The following TGIF1 variants were observed in gnomAD, a reference collection of about 807,000 sequenced individuals.
The protein encoded by TGIF1 is homeobox protein TGIF1.
TGIF1 carries 4 observed loss-of-function variants against 19.3 expected under a neutral mutation model. The ratio of observed to expected loss-of-function variants is 0.21; its 90% CI spans 0.10 to 0.47. TGIF1 has a LOEUF of 0.47. Ranked by LOEUF, TGIF1 falls within the 20% of genes least tolerant of loss-of-function variation. The pLI, the probability that TGIF1 is intolerant of heterozygous loss-of-function variation, is 0.98. For missense variants in TGIF1, 275 were observed against 341.4 expected, an observed-to-expected ratio of 0.81 and a Z score of 1.53; for synonymous variants, 122 against 129.3, an observed-to-expected ratio of 0.94 and a Z score of 0.38.
At chr18:3,437,920 C>T (rs537168313) in intron 2 of TGIF1, among the ~76,000 whole-genome samples, 206 of 152,234 alleles carry the variant, frequency 1.4e-3, no homozygotes, top group African/African-American at 4.7e-3. Flanking sequence ...CCCATCTCTA[C>T]TAAAAATACA....
intron 2 of TGIF1, among the ~76,000 whole-genome samples, chr18:3,425,442 G>A (rs2082453889): frequency 6.6e-6 from 1 of 152,208 alleles, no homozygotes; most frequent in African/African-American, 2.4e-5. Flanking sequence ...ATAATTACCA[G>A]CCATTATTCC....
chr18:3,414,803 C>G (rs2082310414), intron 1 of TGIF1, among the ~76,000 whole-genome samples: 1 of 152,128 alleles, frequency 6.6e-6, no homozygotes, highest in Non-Finnish European at 1.5e-5. Flanking sequence ...CCAAGCTACT[C>G]TGAGGCTGAG....
intron 2 of TGIF1, among the ~76,000 whole-genome samples, chr18:3,424,835 T>C (rs1363563635): frequency 6.6e-6 from 1 of 152,228 alleles, no homozygotes; most frequent in African/African-American, 2.4e-5. Flanking sequence ...GTGATATGCC[T>C]GGAGCGGGCA....
rs2082860183 is a variant in TGIF1 at position 3,450,214 on chromosome 18, A to G, written c.-276A>G. The G allele has an allele frequency of 7.9e-6, 11 of 1,399,894 alleles. No homozygotes were observed. Among genetic ancestry groups the G allele is most frequent in the Non-Finnish European group, 1.0e-5 (11 of 1,079,262 alleles). The allele number at this position is 1,399,894 out of a possible 1,614,324, so 86.7% of individuals were successfully genotyped here. ...GTGCGCCGAGCAGGAGCAGGGAACA[A>G]AGGAGCGGAGAGGGGAGGGGAGAGA... On this transcript the variant is annotated 5_prime_UTR_variant, in exon 1 of 3. Coordinates refer to ENST00000343820, the MANE Select transcript of TGIF1 (RefSeq NM_003244.4).
chr18:3,417,867 G>A (rs1046346401), intron 1 of TGIF1, among the ~76,000 whole-genome samples: 21 of 152,258 alleles, frequency 1.4e-4, no homozygotes, highest in Non-Finnish European at 2.5e-4. Flanking sequence ...GGGAGACCAA[G>A]GTAGGAAGAT....
upstream of TGIF1, among the ~76,000 whole-genome samples, chr18:3,445,451 G>A (rs550878744): frequency 2.6e-5 from 4 of 152,008 alleles, no homozygotes; most frequent in Non-Finnish European, 5.9e-5. Context: ...AAGGCCGGGC[G>A]TAGTGGCTCA....
chr18:3,449,898 C>G, upstream of TGIF1: 1 of 985,868 alleles, frequency 1.0e-6, no homozygotes, highest in South Asian at 4.7e-5. Context: ...AGGGAGAAAC[C>G]TGGGGCGCTC....
At chr18:3,427,724 C>T (rs550775365) in intron 2 of TGIF1, among the ~76,000 whole-genome samples, 65 of 152,060 alleles carry the variant, frequency 4.3e-4, no homozygotes, top group Middle Eastern at 6.8e-3. Context: ...CTCAGCCACC[C>T]GAGTAACTGG....
chr18:3,456,078 T>C lies in TGIF1; in HGVS notation c.17-276T>C, dbSNP rs1486990798. ...CCTCCAATGATTAGACGAAAGAGTT[T>C]TCTGACCATCATTCAAAAGGAATGT... On this transcript the variant is annotated intron_variant, in intron 1 of 2. Coordinates refer to ENST00000343820, the MANE Select transcript of TGIF1 (RefSeq NM_003244.4). The surrounding 1 kb of genome is among the most constrained non-coding windows in gnomAD (Gnocchi z 4.2). The C allele has an allele frequency of 2.0e-6, 1 of 492,222 alleles. No individual in the cohort carries two copies. The highest frequency in any genetic ancestry group is 3.7e-6 in the Non-Finnish European group (1 of 269,082). 30.5% of individuals were successfully genotyped at this position (492,222 alleles called of 1,614,324 possible). A position where few individuals can be genotyped will look rare whatever the true frequency, so the allele number is the denominator to read the frequency against.
chr18:3,437,606 T>C (rs1466237954), intron 2 of TGIF1, among the ~76,000 whole-genome samples: 1 of 152,202 alleles, frequency 6.6e-6, no homozygotes, highest in Admixed American at 6.5e-5. Flanking sequence ...AATTTTCGTA[T>C]GAAAAACAGA....
At chr18:3,435,628 A>G (rs2082605152) in intron 2 of TGIF1, among the ~76,000 whole-genome samples, 1 of 152,174 alleles carries the variant, frequency 6.6e-6, no homozygotes, top group Non-Finnish European at 1.5e-5. Context: ...TCAATCTAGT[A>G]ACTTGACCTC....
chr18:3,421,785 CAGG>C (rs1206894289), intron 2 of TGIF1, among the ~76,000 whole-genome samples: 6 of 151,882 alleles, frequency 4.0e-5, no homozygotes, highest in Non-Finnish European at 7.4e-5. Context: ...AAAGCAACCT[CAGG>C]CAGGTCCTTC....
intron 1 of TGIF1, chr18:3,452,044 G>A (rs1347459449): frequency 4.3e-6 from 7 of 1,613,174 alleles, no homozygotes; most frequent in Non-Finnish European, 5.9e-6. Context: ...GGCTCCGGCG[G>A]GGGCGGCTCT....
At chr18:3,455,272 C>T (rs185376391) in intron 1 of TGIF1, 43 of 151,508 alleles carry the variant, frequency 2.8e-4, no homozygotes, top group East Asian at 2.2e-3. Context: ...GAATTAATAG[C>T]GTTTGTTATT....
At chr18:3,441,056 TC>T (rs933184767) in intron 2 of TGIF1, among the ~76,000 whole-genome samples, 4 of 152,108 alleles carry the variant, frequency 2.6e-5, no homozygotes, top group Non-Finnish European at 5.9e-5. Flanking sequence ...AGTTTTCATG[TC>T]CCCCCCTCCA....
At position 3,422,689 on chromosome 18, in the gene TGIF1, T is replaced by G. The variant is rs1342150314; in HGVS notation, c.-45+4474T>G. Among the ~76,000 whole-genome samples, 26 of 136,448 alleles carry G rather than the reference T, an allele frequency of 1.9e-4. 3 individuals carry two copies. The highest frequency in any genetic ancestry group is 4.3e-4 in the East Asian group (2 of 4,660). The allele number at this position is 136,448 out of a possible 152,430, so 89.5% of individuals were successfully genotyped here. A position where few individuals can be genotyped will look rare whatever the true frequency, so the allele number is the denominator to read the frequency against. The stretch of plus-strand genomic sequence containing the variant: ...ATAGGTGGCCTTTTTTTTTTTTTTT[T>G]TTTTTTTTTTTTTTTTTTTGAGACA... On this transcript the variant is annotated intron_variant, in intron 2 of 3. Coordinates refer to the TGIF1 transcript ENST00000401449.
At position 3,457,424 on chromosome 18, in the gene TGIF1, T is replaced by C. The variant is rs1208593120; in HGVS notation, c.303T>C (p.Asp101=). The change falls in exon 3 of 3, where the codon GAT becomes GAC. Residue 101 remains aspartate, a synonymous_variant. Coordinates refer to ENST00000343820, the MANE Select transcript of TGIF1 (RefSeq NM_003244.4). This position sits in a 1 kb window ranked among gnomAD's most constrained non-coding sequence, Gnocchi z 4.9. The stretch of plus-strand genomic sequence containing the variant: ...TCCTCCCTGACATGCTGAGAAAGGA[T>C]GGCAAAGATCCAAATCAGTTCACAA... ...RRLLPDMLRK[D]GKDPNQFTIS... 1.9e-6 allele frequency: 3 copies of C among 1,614,226 alleles called. No homozygotes were observed. Among genetic ancestry groups the C allele is most frequent in the South Asian group, 2.2e-5 (2 of 91,082 alleles).
At chr18:3,416,778 A>AGAAAAAAAAC (rs2082337223) in intron 1 of TGIF1, among the ~76,000 whole-genome samples, 1 of 151,972 alleles carries the variant, frequency 6.6e-6, no homozygotes, top group Non-Finnish European at 1.5e-5. Context: ...CTAAAAATAC[A>AGAAAAAAAAC]AAAATTAGCC....
At chr18:3,422,851 C>T (rs965942777) in intron 2 of TGIF1, among the ~76,000 whole-genome samples, 7 of 151,950 alleles carry the variant, frequency 4.6e-5, no homozygotes, top group African/African-American at 1.7e-4. Context: ...CCACCACGCC[C>T]AGCTAATTTT....
Sources: gnomAD v4.1 joint callset for allele counts (sites outside exome capture counted in the v4.1 genomes callset) on GRCh38, gnomAD v4.1.1 for gene constraint, Gnocchi (gnomAD v3.1) non-coding constraint, MANE v1.5 for transcripts, NCBI Gene and HGNC (gene_info 2026-07-23, HGNC 2026-07-21) for gene names.